CNTN4: variants seen among roughly 807,000 people sequenced by gnomAD.
The protein encoded by CNTN4 is contactin 4.
Under a neutral mutation model 122.5 loss-of-function variants are expected in CNTN4, and 77 were observed. That is an observed-to-expected ratio of 0.63 (90% confidence interval 0.52 to 0.76). CNTN4 has a LOEUF of 0.76. Ranked by LOEUF, CNTN4 falls within the 30% of genes least tolerant of loss-of-function variation. The probability of loss-of-function intolerance (pLI) is 0.00; values close to 1 mark genes in which losing one functional copy is unlikely to be tolerated. For synonymous variants in CNTN4, 512 were observed against 447.0 expected (o/e 1.15, Z -1.83); for missense variants, 1,256 against 1,259.1 (o/e 1.00, Z 0.04).
chr3:2,294,258 C>G (rs895359913), intron 2 of CNTN4, among the ~76,000 whole-genome samples: 2 of 149,670 alleles, frequency 1.3e-5, no homozygotes, highest in African/African-American at 4.9e-5. Context: ...TGCCAAGTTA[C>G]ATTGCAAAGG....
rs1238241370 is a variant in CNTN4 at position 2,385,446 on chromosome 3, C to G, written c.-89+46213C>G. Reference sequence around the variant, plus strand: ...CCTGGTGTCTTGTTCATAGCAGATGCTTGTATTAGTTTCTTAGGACTGCCA... The same window carrying G: ...CCTGGTGTCTTGTTCATAGCAGATGGTTGTATTAGTTTCTTAGGACTGCCA... On this transcript the variant is annotated intron_variant, in intron 3 of 24. Coordinates refer to ENST00000418658, the MANE Select transcript of CNTN4 (RefSeq NM_175607.3). This position sits in a 1 kb window ranked among gnomAD's most constrained non-coding sequence, Gnocchi z 4.0. Among the ~76,000 whole-genome samples the G allele has an allele frequency of 6.6e-6, 1 of 152,020 alleles. No homozygotes were observed. The highest frequency in any genetic ancestry group is 2.4e-5 in the African/African-American group (1 of 41,424).
At chr3:2,195,801 CACTT>C (rs911271810) in intron 2 of CNTN4, among the ~76,000 whole-genome samples, 5 of 152,174 alleles carry the variant, frequency 3.3e-5, no homozygotes, top group Admixed American at 2.0e-4. Flanking sequence ...TATTCCGTGA[CACTT>C]AGTTACCTAG....
At chr3:2,892,543 T>C (rs2094055356) in intron 10 of CNTN4, among the ~76,000 whole-genome samples, 1 of 152,248 alleles carries the variant, frequency 6.6e-6, no homozygotes, top group South Asian at 2.1e-4. Context: ...ATATAAAATG[T>C]ATTTAATTCA....
At chr3:2,412,128 C>G (rs188105396) in intron 3 of CNTN4, among the ~76,000 whole-genome samples, 20 of 152,046 alleles carry the variant, frequency 1.3e-4, no homozygotes, top group African/African-American at 4.8e-4. Flanking sequence ...TTTTGAGATT[C>G]TTTTGTATTC....
intron 2 of CNTN4, among the ~76,000 whole-genome samples, chr3:2,193,450 GA>G (rs548576336): frequency 9.2e-5 from 14 of 152,102 alleles, no homozygotes; most frequent in African/African-American, 3.1e-4. Context: ...TATAATGGAA[GA>G]AAAAAATGCT....
intron 2 of CNTN4, among the ~76,000 whole-genome samples, chr3:2,234,393 AG>A (rs2039606567): frequency 8.3e-5 from 12 of 145,344 alleles, no homozygotes; most frequent in South Asian, 2.2e-4. Context: ...AAAAAAAAAG[AG>A]GAAGTTTTCA....
chr3:2,898,412 A>G (rs139205303), intron 10 of CNTN4, among the ~76,000 whole-genome samples: 37 of 152,302 alleles, frequency 2.4e-4, no homozygotes, highest in African/African-American at 8.7e-4. Context: ...ACCACTGAGT[A>G]TTCTCATCTG....
intron 3 of CNTN4, among the ~76,000 whole-genome samples, chr3:2,351,549 C>G (rs1264012192): frequency 6.6e-6 from 1 of 152,162 alleles, no homozygotes; most frequent in African/African-American, 2.4e-5. Flanking sequence ...TATGTATGAT[C>G]TCACTTATCC....
At chr3:3,023,226 T>A (rs750710819) in intron 14 of CNTN4, among the ~76,000 whole-genome samples, 2 of 152,216 alleles carry the variant, frequency 1.3e-5, no homozygotes, top group Non-Finnish European at 2.9e-5. Flanking sequence ...TAATCTTTTC[T>A]TGTCCCTAGG....
intron 3 of CNTN4, among the ~76,000 whole-genome samples, chr3:2,357,998 G>A (rs949519978): frequency 1.1e-4 from 16 of 152,036 alleles, no homozygotes; most frequent in African/African-American, 3.4e-4. Context: ...TTATCGTTTC[G>A]TTTTATAAAC....
At chr3:2,287,632 G>GAAGA (rs2041954544) in intron 2 of CNTN4, among the ~76,000 whole-genome samples, 5 of 49,508 alleles carry the variant, frequency 1.0e-4, no homozygotes, top group South Asian at 8.7e-4. Context: ...GAAGGAGAAG[G>GAAGA]AGAAGAAGAA....
Position 2,656,939 on chromosome 3 carries a change from T to C in CNTN4, c.56-79276T>C, listed in dbSNP as rs77878229. On this transcript the variant is annotated intron_variant, in intron 4 of 24. Transcript: ENST00000418658. The stretch of plus-strand genomic sequence containing the variant: ...CTGGTCAGATATTTTCAAACTCAAA[T>C]GAGTAAGCTCTCTGAAAAACCTATA... Among the ~76,000 whole-genome samples, 13 of 152,330 alleles carry C rather than the reference T, an allele frequency of 8.5e-5. No individual in the cohort carries two copies. In the East Asian group the frequency reaches 2.3e-3, roughly 27 times the overall value.
At chr3:2,126,363 AAAATGCTTAGT>A (rs2034168094) in intron 2 of CNTN4, among the ~76,000 whole-genome samples, 1 of 152,202 alleles carries the variant, frequency 6.6e-6, no homozygotes, top group African/African-American at 2.4e-5. Flanking sequence ...TCCTAGGATT[AAAATGCTTAGT>A]AAATATATGA....
chr3:2,747,243 A>G (rs1464884048), intron 6 of CNTN4, among the ~76,000 whole-genome samples: 1 of 151,742 alleles, frequency 6.6e-6, no homozygotes, highest in Non-Finnish European at 1.5e-5. Context: ...CCGCGTCTCT[A>G]CTAAAAATAC....
At chr3:2,871,615 A>G (rs1318474287) in intron 8 of CNTN4, among the ~76,000 whole-genome samples, 2 of 152,168 alleles carry the variant, frequency 1.3e-5, no homozygotes, top group African/African-American at 4.8e-5. Flanking sequence ...GCAATTTTAT[A>G]TCTTTATTTT....
At chr3:2,274,028 A>G (rs2041402191) in intron 2 of CNTN4, among the ~76,000 whole-genome samples, 1 of 152,132 alleles carries the variant, frequency 6.6e-6, no homozygotes, top group Admixed American at 6.6e-5. Flanking sequence ...AGGTAGATAC[A>G]CTTTTCCATT....
chr3:2,155,323 G>T (rs959940283), intron 2 of CNTN4, among the ~76,000 whole-genome samples: 1 of 152,104 alleles, frequency 6.6e-6, no homozygotes, highest in Non-Finnish European at 1.5e-5. Context: ...TCTTACAGGG[G>T]TGTGGGACGC....
intron 3 of CNTN4, among the ~76,000 whole-genome samples, chr3:2,495,671 G>A (rs187448208): frequency 2.6e-5 from 4 of 152,272 alleles, no homozygotes; most frequent in East Asian, 1.9e-4. Context: ...AACTGCATAC[G>A]AGGGATCTAG....
chr3:2,190,558 C>T (rs1431549328), intron 2 of CNTN4, among the ~76,000 whole-genome samples: 1 of 151,292 alleles, frequency 6.6e-6, no homozygotes, highest in Non-Finnish European at 1.5e-5. Flanking sequence ...GGGTACCAAA[C>T]ATGAATACTC....
Sources: gnomAD v4.1 joint callset for allele counts (sites outside exome capture counted in the v4.1 genomes callset) on GRCh38, gnomAD v4.1.1 for gene constraint, Gnocchi (gnomAD v3.1) non-coding constraint, MANE v1.5 for transcripts, NCBI Gene and HGNC (gene_info 2026-07-23, HGNC 2026-07-21) for gene names.